The following PARVA variants were observed in gnomAD, a reference collection of about 807,000 sequenced individuals.
PARVA encodes the protein parvin alpha.
Under a neutral mutation model 52.6 loss-of-function variants are expected in PARVA, and 25 were observed. The observed-to-expected ratio is 0.48, with a 90% confidence interval of 0.35 to 0.66. The LOEUF (loss-of-function observed/expected upper bound fraction) is 0.66. Among genes scored for constraint, PARVA ranks in the 30% least tolerant of loss-of-function variants. The pLI, the probability that PARVA is intolerant of heterozygous loss-of-function variation, is 0.01. For synonymous variants in PARVA, 185 were observed against 179.1 expected (o/e 1.03, Z -0.26); for missense variants, 373 against 450.9 (o/e 0.83, Z 1.56).
At chr11:12,424,357 T>A (rs946695608) in intron 1 of PARVA, among the ~76,000 whole-genome samples, 5 of 152,210 alleles carry the variant, frequency 3.3e-5, no homozygotes, top group African/African-American at 1.2e-4. Flanking sequence ...TTTCATCGTG[T>A]CCTGCAGCAT....
rs919711396 is a variant in PARVA at position 12,532,510 on chromosome 11, A to G, written c.*4585A>G. ...TCATTTAGTCATATATTCGGCAAGT[A>G]TGTGTTGAGTGCAGCATGTCCAAGG... On this transcript the variant is annotated 3_prime_UTR_variant, in exon 13 of 13. Transcript: ENST00000334956. Among the ~76,000 whole-genome samples, 2 of 152,182 alleles carry G rather than the reference A, an allele frequency of 1.3e-5. No homozygotes were observed. Among genetic ancestry groups the G allele is most frequent in the Non-Finnish European group, 2.9e-5 (2 of 68,040 alleles).
At chr11:12,526,977 T>TC (rs1941711432) in intron 12 of PARVA, among the ~76,000 whole-genome samples, 1 of 151,906 alleles carries the variant, frequency 6.6e-6, no homozygotes, top group South Asian at 2.1e-4. Context: ...TGTCAGTGAG[T>TC]CATAGCTAGC....
At chr11:12,411,733 C>T (rs1419684299) in intron 1 of PARVA, among the ~76,000 whole-genome samples, 1 of 152,158 alleles carries the variant, frequency 6.6e-6, no homozygotes, top group East Asian at 1.9e-4. Context: ...CTCCAGTTTT[C>T]CCTTGGTCTC....
At chr11:12,453,175 A>T in intron 1 of PARVA, 1 of 371,290 alleles carries the variant, frequency 2.7e-6, no homozygotes. Context: ...AAGGGTTTTT[A>T]TATCATCCTG....
chr11:12,479,796 A>G (rs1271158313), intron 4 of PARVA: 5 of 152,174 alleles, frequency 3.3e-5, no homozygotes, highest in African/African-American at 1.2e-4. Context: ...TTATTATAAG[A>G]CTTTCCATGT....
chr11:12,419,348 C>T (rs1346995586), intron 1 of PARVA, among the ~76,000 whole-genome samples: 2 of 151,872 alleles, frequency 1.3e-5, no homozygotes. Flanking sequence ...CTTGGTACCT[C>T]CTATGAGTGG....
intron 5 of PARVA, among the ~76,000 whole-genome samples, chr11:12,498,552 C>T (rs1941327246): frequency 6.8e-6 from 1 of 146,664 alleles, no homozygotes; most frequent in South Asian, 2.2e-4. Flanking sequence ...CATCATTTTG[C>T]TTGGTCAGGT....
At chr11:12,407,555 G>A (rs922961066) in intron 1 of PARVA, among the ~76,000 whole-genome samples, 1 of 152,114 alleles carries the variant, frequency 6.6e-6, no homozygotes, top group African/African-American at 2.4e-5. Context: ...ATTCACTATG[G>A]GGACATGGGA....
chr11:12,447,698 G>A (rs1010593483), intron 1 of PARVA, among the ~76,000 whole-genome samples: 13 of 152,174 alleles, frequency 8.5e-5, no homozygotes, highest in Admixed American at 5.9e-4. Context: ...AATACTCTGA[G>A]TACAGTCACT....
At chr11:12,485,864 T>C (rs1941152691) in intron 4 of PARVA, among the ~76,000 whole-genome samples, 1 of 152,062 alleles carries the variant, frequency 6.6e-6, no homozygotes. Context: ...AGCCTACCCA[T>C]GAGAAAAATA....
At chr11:12,527,691 G>GC (rs1214040204) in intron 12 of PARVA, among the ~76,000 whole-genome samples, 158 bp from the exon 13 acceptor site, 1 of 152,110 alleles carries the variant, frequency 6.6e-6, no homozygotes, top group African/African-American at 2.4e-5. Context: ...TACCCTCACT[G>GC]CCCCCTGCTC....
chr11:12,466,957 G>GAATCT (rs997720501), intron 1 of PARVA, among the ~76,000 whole-genome samples: 4 of 152,080 alleles, frequency 2.6e-5, no homozygotes, highest in Admixed American at 2.6e-4. Flanking sequence ...GATTAACATT[G>GAATCT]AATCTATAGA....
intron 12 of PARVA, among the ~76,000 whole-genome samples, chr11:12,526,873 A>G (rs1941708592): frequency 6.6e-6 from 1 of 151,754 alleles, no homozygotes; most frequent in Non-Finnish European, 1.5e-5. Context: ...GGGAGGGAGG[A>G]AGGTAGAGGA....
At chr11:12,405,602 T>G (rs1939892413) in intron 1 of PARVA, among the ~76,000 whole-genome samples, 1 of 152,010 alleles carries the variant, frequency 6.6e-6, no homozygotes, top group Admixed American at 6.6e-5. Context: ...AACCATAGTG[T>G]TTTTGCTATT....
At chr11:12,483,638 G>A (rs1941118224) in intron 4 of PARVA, among the ~76,000 whole-genome samples, 1 of 152,212 alleles carries the variant, frequency 6.6e-6, no homozygotes, top group Non-Finnish European at 1.5e-5. Context: ...ATGGCCATCA[G>A]TGTGCTAGGA....
At position 12,508,601 on chromosome 11, in the gene PARVA, C is replaced by T; in HGVS notation, c.675C>T (p.Leu225=). ...CATTTCAGAAACGAGAAGGAATCCT[C>T]CAGTCTCGGCAAATCCAAGAGGAAA... ...VVVVQKREGI[L]QSRQIQEEIT... The change falls in exon 7 of 13, where the codon CTC becomes CTT. Residue 225 remains leucine, a synonymous_variant. Transcript: ENST00000334956. 6.2e-7 allele frequency: 1 copy of T among 1,609,332 alleles called. No homozygotes were observed. The highest frequency in any genetic ancestry group is 8.5e-7 in the Non-Finnish European group (1 of 1,177,656).
intron 11 of PARVA, 78 bp from the exon 12 acceptor site, chr11:12,518,367 G>A (rs1405389421): frequency 1.2e-5 from 12 of 1,037,786 alleles, no homozygotes; most frequent in Non-Finnish European, 1.8e-5. Context: ...ACAGTGCTGG[G>A]CTCCTTCACT....
Position 12,473,818 on chromosome 11 carries a change from C to A in PARVA, c.210C>A (p.Pro70=). 6.4e-7 allele frequency: 1 copy of A among 1,570,728 alleles called. No individual in the cohort carries two copies. The highest frequency in any genetic ancestry group is 8.6e-7 in the Non-Finnish European group (1 of 1,157,078). ...GCCCAATTCCCTTTGAGCTGGACCC[C>A]GAGGACACGATGCTGGGTAACTGTG... ...PLSPIPFELD[P]EDTMLEENEV... Residue 70 remains proline (P), a synonymous_variant, in exon 2 of 13, where the codon CCC becomes CCA. Transcript: ENST00000334956.
At chr11:12,453,086 TG>T (rs142579184) in intron 1 of PARVA, 1 of 453,740 alleles carries the variant, frequency 2.2e-6, no homozygotes. Flanking sequence ...GATTCTTTGT[TG>T]GGGGGGCGCC....
Sources: gnomAD v4.1 joint callset for allele counts (sites outside exome capture counted in the v4.1 genomes callset) on GRCh38, gnomAD v4.1.1 for gene constraint, MANE v1.5 for transcripts, NCBI Gene and HGNC (gene_info 2026-07-23, HGNC 2026-07-21) for gene names.